Variants in PFDN1 observed in about 807,000 individuals in gnomAD.
PFDN1 encodes prefoldin subunit 1.
In PFDN1, 6 loss-of-function variants were observed where a neutral mutation model predicts 17.3. That is an observed-to-expected ratio of 0.35 (90% CI 0.19 to 0.69). The LOEUF (loss-of-function observed/expected upper bound fraction) is 0.69. Among genes scored for constraint, PFDN1 ranks in the 30% least tolerant of loss-of-function variants. PFDN1 has a pLI of 0.65. For missense variants in PFDN1, 113 were observed against 146.2 expected (o/e 0.77, Z 1.17); for synonymous variants, 58 against 50.1 (o/e 1.16, Z -0.67).
intron 2 of PFDN1, among the ~76,000 whole-genome samples, chr5:140,283,620 C>A (rs1765444257): frequency 1.3e-5 from 2 of 152,216 alleles, no homozygotes; most frequent in South Asian, 4.1e-4. Context: ...AGCCCACATT[C>A]ATGCAAAACA....
At chr5:140,302,395 AT>A (rs1276985101) in intron 1 of PFDN1, among the ~76,000 whole-genome samples, 2 of 152,242 alleles carry the variant, frequency 1.3e-5, no homozygotes, top group Non-Finnish European at 2.9e-5. Flanking sequence ...AGGAAACCCA[AT>A]TCCTTCCGAT....
In PFDN1 at chr5:140,245,232, C is replaced by T. The variant is rs1561488481; in HGVS notation, c.*742G>A. On this transcript the variant is annotated 3_prime_UTR_variant, in exon 4 of 4. Transcript: ENST00000261813. ...AGCCAGCTGGATCACACCGTTGCCCCCTCAGCCTCTAGGAGGCCTCAGGAT... is the reference window on the plus strand; with the variant it reads ...AGCCAGCTGGATCACACCGTTGCCCTCTCAGCCTCTAGGAGGCCTCAGGAT... The T allele has an allele frequency of 1.4e-5, 6 of 426,022 alleles. No homozygotes were observed. Among genetic ancestry groups the T allele is most frequent in the Non-Finnish European group, 1.7e-5 (4 of 237,984 alleles). 26.4% of individuals were successfully genotyped at this position (426,022 alleles called of 1,614,324 possible). A position where few individuals can be genotyped will look rare whatever the true frequency, so the allele number is the denominator to read the frequency against.
intron 1 of PFDN1, among the ~76,000 whole-genome samples, chr5:140,302,223 C>T (rs1319449078): frequency 6.6e-6 from 1 of 152,162 alleles, no homozygotes; most frequent in Non-Finnish European, 1.5e-5. Flanking sequence ...GGTTCCTTTT[C>T]CAGAAAAGTA....
chr5:140,287,525 G>A (rs905163767), intron 2 of PFDN1, among the ~76,000 whole-genome samples: 1 of 152,088 alleles, frequency 6.6e-6, no homozygotes, highest in Non-Finnish European at 1.5e-5. Context: ...AAGGAATCAG[G>A]AACCACAGCT....
chr5:140,279,127 G>T (rs1023399608), intron 3 of PFDN1, among the ~76,000 whole-genome samples: 1 of 152,098 alleles, frequency 6.6e-6, no homozygotes, highest in Non-Finnish European at 1.5e-5. Flanking sequence ...TTTAAAAAAA[G>T]GTTGTGTATA....
chr5:140,268,754 T>C (rs1397603598), intron 3 of PFDN1, among the ~76,000 whole-genome samples: 2 of 152,220 alleles, frequency 1.3e-5, no homozygotes, highest in African/African-American at 2.4e-5. Context: ...TAAAGCACTA[T>C]AAATGAATAA....
At chr5:140,298,500 C>T (rs1008119964) in intron 2 of PFDN1, among the ~76,000 whole-genome samples, 2 of 151,986 alleles carry the variant, frequency 1.3e-5, no homozygotes, top group African/African-American at 4.8e-5. Context: ...TCAGTCTTCT[C>T]CTTTTAGCTC....
intron 2 of PFDN1, among the ~76,000 whole-genome samples, chr5:140,295,643 G>C (rs539406333): frequency 2.0e-5 from 3 of 152,290 alleles, no homozygotes; most frequent in Admixed American, 1.3e-4. Context: ...CACGCCAAAA[G>C]ACTGGATGGA....
At chr5:140,276,780 CAAAAAAAAA>C (rs35889345) in intron 3 of PFDN1, among the ~76,000 whole-genome samples, 36 of 46,732 alleles carry the variant, frequency 7.7e-4, no homozygotes, top group African/African-American at 1.9e-3. Flanking sequence ...GACACCGTCT[CAAAAAAAAA>C]AAAAAAAAAA....
chr5:140,251,767 T>C (rs879285983), intron 3 of PFDN1, among the ~76,000 whole-genome samples: 5 of 152,164 alleles, frequency 3.3e-5, no homozygotes, highest in Non-Finnish European at 5.9e-5. Flanking sequence ...GTTGGAGTTA[T>C]TGCTCATCGG....
chr5:140,275,301 C>T (rs899662029), intron 3 of PFDN1, among the ~76,000 whole-genome samples: 1 of 150,296 alleles, frequency 6.7e-6, no homozygotes, highest in South Asian at 2.1e-4. Context: ...CCCAGCTACT[C>T]GGGAGGCTGA....
chr5:140,282,192 C>T (rs201571114), intron 2 of PFDN1: 2 of 41,790 alleles, frequency 4.8e-5, no homozygotes, highest in Non-Finnish European at 8.6e-5. Context: ...GTCTTAAAAA[C>T]ATTAAAAAAA....
intron 2 of PFDN1, among the ~76,000 whole-genome samples, chr5:140,296,705 A>G (rs1765659775): frequency 6.6e-6 from 1 of 152,214 alleles, no homozygotes; most frequent in Non-Finnish European, 1.5e-5. Context: ...AATTTCTAGT[A>G]CATGTGCTAC....
intron 3 of PFDN1, among the ~76,000 whole-genome samples, chr5:140,280,321 G>A (rs1765380997): frequency 1.3e-5 from 2 of 151,978 alleles, no homozygotes; most frequent in Admixed American, 1.3e-4. Context: ...TGTTTCTTAT[G>A]AGTGAAAACA....
intron 3 of PFDN1, among the ~76,000 whole-genome samples, chr5:140,251,221 C>G (rs1355040303): frequency 6.6e-6 from 1 of 152,172 alleles, no homozygotes; most frequent in Non-Finnish European, 1.5e-5. Flanking sequence ...CAGATGTGAA[C>G]TACTGCACCC....
chr5:140,286,411 C>CAAAAAAAAAA (rs70988742), intron 2 of PFDN1, among the ~76,000 whole-genome samples: 4 of 83,510 alleles, frequency 4.8e-5, no homozygotes, highest in Admixed American at 1.3e-4. Flanking sequence ...GACTCTGTCT[C>CAAAAAAAAAA]AAAAAAAAAA....
intron 2 of PFDN1, 90 bp from the exon 3 acceptor site, chr5:140,281,623 C>G: frequency 1.4e-6 from 1 of 715,606 alleles, no homozygotes; most frequent in Non-Finnish European, 2.5e-6. Flanking sequence ...TTAAACTGAG[C>G]AAATTAAAAG....
intron 3 of PFDN1, chr5:140,273,966 G>A: frequency 1.3e-6 from 1 of 747,808 alleles, no homozygotes. Flanking sequence ...AGGCAATGGT[G>A]GCAAAAATGT....
intron 3 of PFDN1, among the ~76,000 whole-genome samples, chr5:140,249,859 C>T (rs901077292): frequency 6.6e-6 from 1 of 152,142 alleles, no homozygotes; most frequent in African/African-American, 2.4e-5. Context: ...AAGAAACCCG[C>T]CCCCATAATC....
Sources: gnomAD v4.1 joint callset for allele counts (sites outside exome capture counted in the v4.1 genomes callset) on GRCh38, gnomAD v4.1.1 for gene constraint, MANE v1.5 for transcripts, NCBI Gene and HGNC (gene_info 2026-07-23, HGNC 2026-07-21) for gene names.